Variants in PLA2G12B observed in about 807,000 individuals in gnomAD.
PLA2G12B encodes the protein phospholipase A2 group XIIB.
In PLA2G12B, 19 loss-of-function variants were observed where a neutral mutation model predicts 22.3. The observed-to-expected ratio is 0.85, with a 90% CI of 0.60 to 1.25. The LOEUF (loss-of-function observed/expected upper bound fraction) is 1.25. Among genes scored for constraint, PLA2G12B ranks in the 50% most tolerant of loss-of-function variants. The pLI is 0.00. For synonymous variants in PLA2G12B, 81 were observed against 94.9 expected, an observed-to-expected ratio of 0.85 and a Z score of 0.85; for missense variants, 191 against 246.6, an observed-to-expected ratio of 0.77 and a Z score of 1.51.
chr10:72,941,075 A>G, intron 3 of PLA2G12B, 94 bp downstream of exon 3: 1 of 1,332,354 alleles, frequency 7.5e-7, no homozygotes. Context: ...GTGAGCTCTG[A>G]TGATCTCTTC....
intron 1 of PLA2G12B, among the ~76,000 whole-genome samples, chr10:72,949,817 A>T (rs1457981207): frequency 6.6e-6 from 1 of 152,194 alleles, no homozygotes; most frequent in African/African-American, 2.4e-5. Context: ...GTCTCTACTA[A>T]AAATACAAAG....
At chr10:72,937,965 T>C (rs1228158977) in intron 3 of PLA2G12B, among the ~76,000 whole-genome samples, 1 of 151,684 alleles carries the variant, frequency 6.6e-6, no homozygotes, top group African/African-American at 2.4e-5. Flanking sequence ...AATACAAAAA[T>C]TAGCTGGGCA....
At chr10:72,942,149 G>GTT (rs962797141) in intron 2 of PLA2G12B, among the ~76,000 whole-genome samples, 4 of 135,960 alleles carry the variant, frequency 2.9e-5, no homozygotes, top group African/African-American at 7.9e-5. Context: ...CAGGGCGTCG[G>GTT]GTGTGTGTGT....
chr10:72,937,503 T>TA (rs1410985216), intron 3 of PLA2G12B, among the ~76,000 whole-genome samples: 1 of 152,198 alleles, frequency 6.6e-6, no homozygotes, highest in East Asian at 1.9e-4. Context: ...CTAAGCTTTT[T>TA]AAAAAATTAG....
At chr10:72,943,835 C>T (rs1846398320) in intron 1 of PLA2G12B, among the ~76,000 whole-genome samples, 1 of 152,182 alleles carries the variant, frequency 6.6e-6, no homozygotes, top group African/African-American at 2.4e-5. Flanking sequence ...CTGTTTGTCT[C>T]CAAAGCCTAT....
intron 2 of PLA2G12B, among the ~76,000 whole-genome samples, chr10:72,942,313 C>G (rs1245277063): frequency 2.0e-5 from 3 of 152,108 alleles, no homozygotes; most frequent in African/African-American, 2.4e-5. Flanking sequence ...CCAGCTGGCT[C>G]TAGCACATCA....
At chr10:72,948,064 C>T (rs58889213) in intron 1 of PLA2G12B, among the ~76,000 whole-genome samples, 6,048 of 152,198 alleles carry the variant, frequency 0.04, 415 homozygotes, top group African/African-American at 0.14. Flanking sequence ...TTAGTAGAGA[C>T]GGGGTTTCAC....
intron 1 of PLA2G12B, among the ~76,000 whole-genome samples, chr10:72,947,623 A>G (rs752078469): frequency 5.3e-5 from 8 of 152,216 alleles, no homozygotes; most frequent in Non-Finnish European, 1.2e-4. Flanking sequence ...ACAATGTTGT[A>G]CAACCATCAC....
At chr10:72,940,541 G>A (rs1279553270) in intron 3 of PLA2G12B, among the ~76,000 whole-genome samples, 2 of 131,978 alleles carry the variant, frequency 1.5e-5, no homozygotes, top group Admixed American at 6.9e-5. Flanking sequence ...GCATGGCGGC[G>A]GGTGCCTGTA....
At chr10:72,947,367 G>C (rs189327371) in intron 1 of PLA2G12B, among the ~76,000 whole-genome samples, 8 of 152,196 alleles carry the variant, frequency 5.3e-5, no homozygotes, top group African/African-American at 1.7e-4. Flanking sequence ...AGCCTCCCTA[G>C]TAGCTGGGAC....
chr10:72,954,622 C>G lies in PLA2G12B; in HGVS notation c.64G>C (p.Asp22His), dbSNP rs201001050. 6.2e-7 allele frequency: 1 copy of G among 1,614,002 alleles called. No homozygotes were observed. Reference protein sequence around the residue: ...LSLGGGLAQSDTSPDTEESYS... With the variant: ...LSLGGGLAQSHTSPDTEESYS... ...GACTCCTCCGTGTCAGGGCTCGTGT[C>G]GCTCTGAGCCAGGCCACCCCCAAGG... The change falls in exon 1 of 4, where the codon GAC (aspartate) becomes CAC (histidine). Residue 22 changes from aspartate to histidine, a missense_variant. By Grantham distance (81) the Asp-to-His change is moderately conservative. Coordinates refer to ENST00000373032, the MANE Select transcript of PLA2G12B (RefSeq NM_032562.5).
intron 1 of PLA2G12B, among the ~76,000 whole-genome samples, chr10:72,948,634 A>G (rs1434348359): frequency 6.6e-6 from 1 of 152,202 alleles, no homozygotes; most frequent in Non-Finnish European, 1.5e-5. Context: ...TTCAAATTCA[A>G]ATTTTAGTGT....
Position 72,942,690 on chromosome 10 carries a change from A to G in PLA2G12B, c.262T>C (p.Cys88Arg), listed in dbSNP as rs745439702. 2 of 1,608,654 alleles carry G rather than the reference A, an allele frequency of 1.2e-6. No homozygotes were observed. The highest frequency in any genetic ancestry group is 3.4e-5 in the Admixed American group (2 of 59,474). ...TTGAGACCCAGGAAATAGGAGCCGCAGCCATTGGGCTCTTGGGGCTTGTAG... is the reference window on the plus strand; with the variant it reads ...TTGAGACCCAGGAAATAGGAGCCGCGGCCATTGGGCTCTTGGGGCTTGTAG... ...PGYKPQEPNG[C>R]GSYFLGLKVP... Residue 88 changes from cysteine (C) to arginine (R), a missense_variant, in exon 2 of 4, where the codon TGC (cysteine) becomes CGC (arginine). Coordinates refer to ENST00000373032, the MANE Select transcript of PLA2G12B (RefSeq NM_032562.5).
At chr10:72,951,350 C>A (rs1846527238) in intron 1 of PLA2G12B, among the ~76,000 whole-genome samples, 1 of 151,912 alleles carries the variant, frequency 6.6e-6, no homozygotes, top group African/African-American at 2.4e-5. Flanking sequence ...CTTCCAAGGT[C>A]TCACCACAGA....
At chr10:72,940,662 A>G (rs1554833532) in intron 3 of PLA2G12B, among the ~76,000 whole-genome samples, 1 of 152,086 alleles carries the variant, frequency 6.6e-6, no homozygotes, top group Non-Finnish European at 1.5e-5. Context: ...ACAGAGTGAG[A>G]TTCTGTCTCA....
chr10:72,948,281 A>T (rs1468804692), intron 1 of PLA2G12B, among the ~76,000 whole-genome samples: 1 of 152,238 alleles, frequency 6.6e-6, no homozygotes, highest in Non-Finnish European at 1.5e-5. Flanking sequence ...GATAACTCAC[A>T]GAAGATAAAA....
At chr10:72,950,295 C>A (rs1314834475) in intron 1 of PLA2G12B, among the ~76,000 whole-genome samples, 3 of 152,192 alleles carry the variant, frequency 2.0e-5, no homozygotes, top group Non-Finnish European at 4.4e-5. Context: ...CAAGAATAAT[C>A]TGTTTGCCTC....
chr10:72,944,232 C>T (rs1846406985), intron 1 of PLA2G12B, among the ~76,000 whole-genome samples: 1 of 152,160 alleles, frequency 6.6e-6, no homozygotes, highest in African/African-American at 2.4e-5. Context: ...TAAATGTTAA[C>T]ATTTGCCAAA....
chr10:72,937,659 G>T (rs1466069358), intron 3 of PLA2G12B, among the ~76,000 whole-genome samples: 1 of 152,078 alleles, frequency 6.6e-6, no homozygotes, highest in Non-Finnish European at 1.5e-5. Context: ...GTAGTAAACT[G>T]AATCCAGTAA....
Sources: allele counts gnomAD v4.1 joint callset (sites outside exome capture counted in the v4.1 genomes callset), GRCh38; gene constraint gnomAD v4.1.1; transcripts MANE v1.5; gene names NCBI Gene and HGNC (gene_info 2026-07-23, HGNC 2026-07-21).